The following ESCO1 variants were observed in gnomAD, a reference collection of about 807,000 sequenced individuals.
ESCO1 encodes the protein N-acetyltransferase ESCO1.
Under a neutral mutation model 83.5 loss-of-function variants are expected in ESCO1, and 33 were observed. The observed-to-expected ratio is 0.40, with a 90% CI of 0.30 to 0.53. ESCO1 has a LOEUF of 0.53. Ranked by LOEUF, ESCO1 falls within the 20% of genes least tolerant of loss-of-function variation. The probability of loss-of-function intolerance (pLI) is 0.63; values close to 1 mark genes in which losing one functional copy is unlikely to be tolerated. For missense variants in ESCO1, 855 were observed against 968.0 expected (o/e 0.88, Z 1.55); for synonymous variants, 332 against 324.3 (o/e 1.02, Z -0.25).
At chr18:21,588,921 G>A (rs890685722) in intron 1 of ESCO1, among the ~76,000 whole-genome samples, 1 of 151,880 alleles carries the variant, frequency 6.6e-6, no homozygotes, top group Admixed American at 6.6e-5. Context: ...AGGATACAGA[G>A]ATGATTTAAT....
chr18:21,595,701 C>T (rs1344554870), intron 1 of ESCO1, among the ~76,000 whole-genome samples: 47 of 148,166 alleles, frequency 3.2e-4, no homozygotes, highest in Admixed American at 2.1e-3. Context: ...CGGTGGCTCA[C>T]GCCTGTAATC....
chr18:21,589,191 A>AT (rs1190035580), intron 1 of ESCO1, among the ~76,000 whole-genome samples: 1 of 151,660 alleles, frequency 6.6e-6, no homozygotes, highest in African/African-American at 2.4e-5. Flanking sequence ...GTGAGCCAAG[A>AT]TTGCACCACT....
At chr18:21,570,909 G>A (rs540679587) in intron 4 of ESCO1, among the ~76,000 whole-genome samples, 253 of 151,794 alleles carry the variant, frequency 1.7e-3, no homozygotes, top group Non-Finnish European at 2.9e-3. Flanking sequence ...CCCAGGAGGC[G>A]GAGCCTGCAG....
In ESCO1 at chr18:21,539,910, G is replaced by A. The variant is rs1364854915; in HGVS notation, c.2043+10C>T. 1 of 1,608,502 alleles carries A rather than the reference G, an allele frequency of 6.2e-7. No individual in the cohort carries two copies. The highest frequency in any genetic ancestry group is 1.1e-5 in the South Asian group (1 of 90,544). ...TATCCACTCTACATGAAGTTTCACT[G>A]GAAATTTACCTTTTTCAGGGCATAC... On this transcript the variant is annotated intron_variant, in intron 9 of 11. Transcript: ENST00000269214.
chr18:21,573,453 T>G lies in ESCO1; in HGVS notation c.1391A>C (p.Lys464Thr). 1.2e-6 allele frequency: 2 copies of G among 1,612,150 alleles called. No homozygotes were observed. Among genetic ancestry groups the G allele is most frequent in the Non-Finnish European group, 1.7e-6 (2 of 1,179,564 alleles). Residue 464 changes from lysine (K) to threonine (T), a missense_variant, in exon 4 of 12, where the codon AAA becomes ACA. Lys to Thr is a moderately conservative substitution (Grantham distance 78). Coordinates refer to ENST00000269214, the MANE Select transcript of ESCO1 (RefSeq NM_052911.3). ...KMKEINSEEV[K>T]INDITVEINK... ...AATTTCTACTGTAATATCATTAATT[T>G]TCACTTCTTCAGAATTAATTTCTTT...
chr18:21,568,470 C>T (rs1317577330), intron 4 of ESCO1, among the ~76,000 whole-genome samples: 1 of 152,174 alleles, frequency 6.6e-6, no homozygotes, highest in Non-Finnish European at 1.5e-5. Flanking sequence ...TTTCCTGGCT[C>T]TATACCTTTT....
chr18:21,576,088 A>G (rs2038415466), intron 2 of ESCO1, among the ~76,000 whole-genome samples: 1 of 152,232 alleles, frequency 6.6e-6, no homozygotes, highest in African/African-American at 2.4e-5. Flanking sequence ...GGGAAAAAAC[A>G]AAGCACATAG....
intron 1 of ESCO1, among the ~76,000 whole-genome samples, chr18:21,594,796 C>T (rs1481153874): frequency 6.6e-6 from 1 of 151,998 alleles, no homozygotes; most frequent in Non-Finnish European, 1.5e-5. Context: ...AACTTTCAAA[C>T]ACTAGTTGAA....
chr18:21,581,946 C>G (rs2038508431), intron 2 of ESCO1, among the ~76,000 whole-genome samples: 1 of 151,718 alleles, frequency 6.6e-6, no homozygotes, highest in Non-Finnish European at 1.5e-5. Flanking sequence ...AAAAAATCAG[C>G]CAGGTGTGGT....
intron 2 of ESCO1, among the ~76,000 whole-genome samples, chr18:21,581,714 TGAAAATA>T: frequency 6.6e-6 from 1 of 152,252 alleles, no homozygotes; most frequent in East Asian, 1.9e-4. Context: ...TTCAAATTAA[TGAAAATA>T]GATTACTCAA....
intron 5 of ESCO1, among the ~76,000 whole-genome samples, chr18:21,567,740 T>C (rs2038281747): frequency 6.6e-6 from 1 of 152,190 alleles, no homozygotes; most frequent in South Asian, 2.1e-4. Flanking sequence ...AAAAGTTGTT[T>C]AAAAAACAAA....
rs533185007 is a variant in ESCO1 at position 21,586,261 on chromosome 18, C to T, written c.-824-1821G>A. Among the ~76,000 whole-genome samples, 5 of 152,336 alleles carry T rather than the reference C, an allele frequency of 3.3e-5. No individual in the cohort carries two copies. In the South Asian group the frequency reaches 6.2e-4, roughly 19 times the overall value. ...GGGATCAACTTTTTTGTGGCTCCCA[C>T]ATAAGAACGAGAATATGCAGTAAAT... On this transcript the variant is annotated intron_variant, in intron 1 of 11. Coordinates refer to ENST00000269214, the MANE Select transcript of ESCO1 (RefSeq NM_052911.3).
chr18:21,556,293 T>C lies in ESCO1; in HGVS notation c.1953+4566A>G, dbSNP rs1017961699. Among the ~76,000 whole-genome samples, 3 of 152,140 alleles carry C rather than the reference T, an allele frequency of 2.0e-5. No homozygotes were observed. The East Asian group carries it at 5.8e-4, about 29-fold the overall frequency. On this transcript the variant is annotated intron_variant, in intron 8 of 11. Transcript: ENST00000269214. ...ATTTAAAAATCAGAAAAAAAATCTCTAATCCTGCTCTACTACTATTCACTT... is the reference window on the plus strand; with the variant it reads ...ATTTAAAAATCAGAAAAAAAATCTCCAATCCTGCTCTACTACTATTCACTT...
chr18:21,590,968 C>G (rs1025638766), intron 1 of ESCO1, among the ~76,000 whole-genome samples: 6 of 150,202 alleles, frequency 4.0e-5, no homozygotes, highest in Admixed American at 3.4e-4. Flanking sequence ...AGAAAAAAAT[C>G]CACTCTCTTG....
intron 8 of ESCO1, among the ~76,000 whole-genome samples, chr18:21,555,030 A>C (rs1400138753): frequency 6.6e-6 from 1 of 152,206 alleles, no homozygotes; most frequent in Non-Finnish European, 1.5e-5. Context: ...CGGGAAACGG[A>C]GGTTGCAGTG....
intron 2 of ESCO1, among the ~76,000 whole-genome samples, chr18:21,576,842 G>A (rs2038424901): frequency 1.3e-5 from 2 of 152,008 alleles, no homozygotes; most frequent in African/African-American, 4.8e-5. Context: ...AGACCAGCCT[G>A]GCCAAGATGA....
chr18:21,534,148 T>C (rs1389122220), intron 10 of ESCO1, among the ~76,000 whole-genome samples: 4 of 152,200 alleles, frequency 2.6e-5, no homozygotes, highest in Non-Finnish European at 5.9e-5. Context: ...TTCACTTTTT[T>C]AGAAAATTTT....
intron 2 of ESCO1, 31 bp downstream of exon 2, chr18:21,584,279 A>C (rs997072053): frequency 6.6e-5 from 10 of 152,190 alleles, no homozygotes; most frequent in African/African-American, 2.4e-4. Flanking sequence ...ATCTTGGAAG[A>C]TACTAAATCA....
intron 1 of ESCO1, among the ~76,000 whole-genome samples, chr18:21,591,659 GCT>G (rs1491434053): frequency 1.8e-5 from 2 of 108,852 alleles, no homozygotes; most frequent in East Asian, 2.8e-4. Context: ...CACCACAGAT[GCT>G]TTTTTTTTTT....
Sources: gnomAD v4.1 joint callset for allele counts (sites outside exome capture counted in the v4.1 genomes callset) on GRCh38, gnomAD v4.1.1 for gene constraint, MANE v1.5 for transcripts, NCBI Gene and HGNC (gene_info 2026-07-23, HGNC 2026-07-21) for gene names.